Variants in CUX2 observed in about 807,000 individuals in gnomAD.
The protein encoded by CUX2 is homeobox protein cut-like 2.
Under a neutral mutation model 144.8 loss-of-function variants are expected in CUX2, and 40 were observed. That is an observed-to-expected ratio of 0.28 (90% CI 0.21 to 0.36). The LOEUF (loss-of-function observed/expected upper bound fraction) is 0.36. Ranked by LOEUF, CUX2 falls within the 10% of genes least tolerant of loss-of-function variation. The pLI, the probability that CUX2 is intolerant of heterozygous loss-of-function variation, is 1.00. For synonymous variants in CUX2, 827 were observed against 875.6 expected, an observed-to-expected ratio of 0.94 and a Z score of 0.98; for missense variants, 1,615 against 1,994.0, an observed-to-expected ratio of 0.81 and a Z score of 3.62.
Position 111,307,013 on chromosome 12 carries a change from G to A in CUX2, c.951G>A (p.Val317=), listed in dbSNP as rs772153748. The A allele has an allele frequency of 2.1e-5, 34 of 1,613,706 alleles. No homozygotes were observed. The highest frequency in any genetic ancestry group is 2.5e-5 in the Non-Finnish European group (30 of 1,179,986). ...AGATCCTGCGGCTGCTGAAGGACGTGCAGCACCTCCAGAGCTCACTGCAGG... is the reference window on the plus strand; with the variant it reads ...AGATCCTGCGGCTGCTGAAGGACGTACAGCACCTCCAGAGCTCACTGCAGG... ...DREILRLLKD[V]QHLQSSLQEL... is the part of the protein sequence containing the mutation. The change falls in exon 11 of 22, where the codon GTG becomes GTA. Residue 317 remains valine (V), a synonymous_variant. Coordinates refer to ENST00000261726, the MANE Select transcript of CUX2 (RefSeq NM_015267.4). This position sits in a 1 kb window ranked among gnomAD's most constrained non-coding sequence, Gnocchi z 4.1.
chr12:111,247,278 G>A (rs960333153), intron 3 of CUX2, among the ~76,000 whole-genome samples: 3 of 152,168 alleles, frequency 2.0e-5, no homozygotes, highest in African/African-American at 4.8e-5. Context: ...ATGCATGCCC[G>A]GCTGAGGCTC....
At chr12:111,306,646 T>A (rs1410467310) in intron 10 of CUX2, among the ~76,000 whole-genome samples, 1 of 152,234 alleles carries the variant, frequency 6.6e-6, no homozygotes, top group Non-Finnish European at 1.5e-5. Flanking sequence ...TTTCCTCTGG[T>A]GCGAGCACCC....
intron 9 of CUX2, among the ~76,000 whole-genome samples, chr12:111,302,797 G>A (rs1886355138): frequency 6.6e-6 from 1 of 151,698 alleles, no homozygotes; most frequent in South Asian, 2.1e-4. Flanking sequence ...CTACTCAGGA[G>A]GCTGAGGCAG....
chr12:111,154,237 A>G (rs1877237408), intron 1 of CUX2, among the ~76,000 whole-genome samples: 1 of 151,896 alleles, frequency 6.6e-6, no homozygotes, highest in Admixed American at 6.5e-5. Context: ...GCAGCACCAC[A>G]TGTAGTGTCA....
At chr12:111,079,664 A>G (rs1177799544) in intron 1 of CUX2, among the ~76,000 whole-genome samples, 9 of 152,204 alleles carry the variant, frequency 5.9e-5, no homozygotes, top group African/African-American at 2.2e-4. Context: ...TTGATTGGGC[A>G]GCTTTATTTA....
rs557001341 is a variant in CUX2, at chr12:111,287,397, G to A, written c.302-4021G>A. ...TTTGTCTAACTTCCCTGACCCCGGC[G>A]AGTGCTCGTTGCCTTTTTTCCTCCT... On this transcript the variant is annotated intron_variant, in intron 4 of 21. Transcript: ENST00000261726. The surrounding 1 kb of genome is among the most constrained non-coding windows in gnomAD (Gnocchi z 4.2). Among the ~76,000 whole-genome samples the A allele has an allele frequency of 2.6e-5, 4 of 152,346 alleles. No individual in the cohort carries two copies. The South Asian group carries it at 6.2e-4, about 24-fold the overall frequency.
intron 1 of CUX2, among the ~76,000 whole-genome samples, chr12:111,206,920 TG>T (rs1321030515): frequency 6.6e-6 from 1 of 152,096 alleles, no homozygotes; most frequent in Non-Finnish European, 1.5e-5. Context: ...TGAAAATGGA[TG>T]GTTTGGTAGA....
At chr12:111,280,427 C>T (rs79105258) in intron 4 of CUX2, among the ~76,000 whole-genome samples, 7 of 152,186 alleles carry the variant, frequency 4.6e-5, no homozygotes, top group Non-Finnish European at 7.3e-5. Flanking sequence ...GCCCAGGTCT[C>T]CCCTAGAGCC....
At chr12:111,309,986 C>G in intron 14 of CUX2, 55 bp from the exon 15 acceptor site, 2 of 1,266,806 alleles carry the variant, frequency 1.6e-6, no homozygotes, top group Non-Finnish European at 2.0e-6. Context: ...TCTCTCTCTC[C>G]CCTCATCATC....
At chr12:111,120,578 C>T (rs1874586778) in intron 1 of CUX2, among the ~76,000 whole-genome samples, 1 of 151,646 alleles carries the variant, frequency 6.6e-6, no homozygotes, top group Admixed American at 6.6e-5. Context: ...GAAAATCTAG[C>T]TGCCTAGGGT....
At chr12:111,305,679 G>T (rs974868515) in intron 10 of CUX2, among the ~76,000 whole-genome samples, 1 of 152,048 alleles carries the variant, frequency 6.6e-6, no homozygotes, top group Non-Finnish European at 1.5e-5. Context: ...AAAAAAAATG[G>T]ATTATGTGTA....
intron 16 of CUX2, among the ~76,000 whole-genome samples, chr12:111,315,928 C>A (rs1211676093): frequency 6.6e-6 from 1 of 152,088 alleles, no homozygotes; most frequent in African/African-American, 2.4e-5. Context: ...TTCCACATAT[C>A]GAGTATGATC....
intron 1 of CUX2, among the ~76,000 whole-genome samples, chr12:111,095,499 C>G (rs1024107758): frequency 9.9e-5 from 15 of 152,054 alleles, no homozygotes; most frequent in Non-Finnish European, 2.2e-4. Flanking sequence ...CTCTTGGTAT[C>G]AAATTCCTGT....
At chr12:111,076,605 G>T (rs1308750531) in intron 1 of CUX2, among the ~76,000 whole-genome samples, 1 of 152,222 alleles carries the variant, frequency 6.6e-6, no homozygotes, top group Non-Finnish European at 1.5e-5. Context: ...TCTCTCAGTA[G>T]CTCAGAGCAT....
chr12:111,042,300 C>T (rs59128149), intron 1 of CUX2, among the ~76,000 whole-genome samples: 1,537 of 152,236 alleles, frequency 0.01, 26 homozygotes, highest in African/African-American at 0.036. Flanking sequence ...TCACAGGGGC[C>T]GCCAGTCCAG....
At position 111,293,132 on chromosome 12, in the gene CUX2, A is replaced by T. The variant is rs898607206; in HGVS notation, c.437-314A>T. ...CAACAGACCAAGACTCCGTCTCAAA[A>T]AAAAAATAAAAAATAAAAAAAGGTG... is the stretch of plus-strand genomic sequence containing the variant. On this transcript the variant is annotated intron_variant, in intron 5 of 21. Coordinates refer to ENST00000261726, the MANE Select transcript of CUX2 (RefSeq NM_015267.4). The surrounding 1 kb of genome is among the most constrained non-coding windows in gnomAD (Gnocchi z 4.5). 6.6e-6 allele frequency among the ~76,000 whole-genome samples: 1 copy of T among 152,086 alleles called. No individual in the cohort carries two copies.
chr12:111,108,147 C>T (rs1402119629), intron 1 of CUX2, among the ~76,000 whole-genome samples: 3 of 152,146 alleles, frequency 2.0e-5, no homozygotes, highest in African/African-American at 7.2e-5. Flanking sequence ...GAATGTCCCT[C>T]CATTTGAGAA....
At chr12:111,188,361 C>T (rs550670076) in intron 1 of CUX2, among the ~76,000 whole-genome samples, 10 of 152,116 alleles carry the variant, frequency 6.6e-5, no homozygotes, top group Non-Finnish European at 1.0e-4. Flanking sequence ...AAGAGAGACA[C>T]GGACCCTGCC....
At chr12:111,144,401 G>A (rs889614003) in intron 1 of CUX2, among the ~76,000 whole-genome samples, 1 of 152,096 alleles carries the variant, frequency 6.6e-6, no homozygotes. Context: ...CCTCTGCCTG[G>A]CCTTTATCCA....
Sources: gnomAD v4.1 joint callset for allele counts (sites outside exome capture counted in the v4.1 genomes callset) on GRCh38, gnomAD v4.1.1 for gene constraint, Gnocchi (gnomAD v3.1) non-coding constraint, MANE v1.5 for transcripts, NCBI Gene and HGNC (gene_info 2026-07-23, HGNC 2026-07-21) for gene names.